Variants in RABGGTB observed in about 807,000 individuals in gnomAD.
RABGGTB encodes the protein geranylgeranyl transferase type-2 subunit beta.
In RABGGTB, 20 loss-of-function variants were observed where a neutral mutation model predicts 44.5. The observed-to-expected ratio is 0.45, with a 90% confidence interval of 0.32 to 0.65. The LOEUF (loss-of-function observed/expected upper bound fraction) is 0.65. Ranked by LOEUF, RABGGTB falls within the 30% of genes least tolerant of loss-of-function variation. RABGGTB has a pLI of 0.05. For missense variants in RABGGTB, 302 were observed against 398.7 expected (o/e 0.76, Z 2.06); for synonymous variants, 128 against 136.7 (o/e 0.94, Z 0.44).
At chr1:75,794,263 A>G in intron 8 of RABGGTB, 30 bp downstream of exon 8, 1 of 1,575,008 alleles carries the variant, frequency 6.3e-7, no homozygotes, top group Middle Eastern at 1.7e-4. Flanking sequence ...TATTTCTATA[A>G]ATTATTTCAG....
At chr1:75,791,836 A>T in intron 6 of RABGGTB, 1 of 399,948 alleles carries the variant, frequency 2.5e-6, no homozygotes, top group South Asian at 4.5e-5. Flanking sequence ...TTAATTTTTC[A>T]CTAACCATAC....
chr1:75,789,135 T>G lies in RABGGTB; in HGVS notation c.112-24T>G, dbSNP rs199755301. ...CTTGTTACCAGTTCAAATGACAGAT[T>G]TAAGAAATTGTGTATTATTTTAGGA... On this transcript the variant is annotated intron_variant, in intron 2 of 8. Transcript: ENST00000319942. 1.1e-4 allele frequency: 183 copies of G among 1,599,818 alleles called. No individual in the cohort carries two copies. In the African/African-American group the frequency reaches 2.1e-3, roughly 19 times the overall value.
In RABGGTB at chr1:75,794,185, A is replaced by G. The variant is rs553836946; in HGVS notation, c.807A>G (p.Ala269=). The G allele has an allele frequency of 6.2e-7, 1 of 1,613,826 alleles. No homozygotes were observed. Among genetic ancestry groups the G allele is most frequent in the Non-Finnish European group, 8.5e-7 (1 of 1,179,772 alleles). Reference sequence around the variant, plus strand: ...AGAAACTGCGTAATTTCATTTTAGCATGTCAAGATGAAGAAACGGGGGGAT... The same window carrying G: ...AGAAACTGCGTAATTTCATTTTAGCGTGTCAAGATGAAGAAACGGGGGGAT... The part of the protein sequence containing the change: ...DREKLRNFIL[A]CQDEETGGFA... Residue 269 remains alanine, a synonymous_variant, in exon 8 of 9, where the codon GCA becomes GCG. Transcript: ENST00000319942.
intron 1 of RABGGTB, 24 bp downstream of exon 1, chr1:75,786,298 G>C (rs1055270789): frequency 1.9e-5 from 30 of 1,614,034 alleles, no homozygotes; most frequent in Non-Finnish European, 2.3e-5. Context: ...TAGCGCTGCT[G>C]TCCGGATGGG....
At position 75,791,456 on chromosome 1, in the gene RABGGTB, T is replaced by G; in HGVS notation, c.469-5T>G. 10 of 1,606,550 alleles carry G rather than the reference T, an allele frequency of 6.2e-6. 1 individual carries two copies. The South Asian group carries it at 1.1e-4, about 18-fold the overall frequency. ...TTTAACAGGCATCTTTTTTTTTGTT[T>G]GTAGGGGAAGCTTGATGCTATTAAT... On this transcript the variant is annotated splice_region_variant and splice_polypyrimidine_tract_variant and intron_variant, in intron 5 of 8. Coordinates refer to ENST00000319942, the MANE Select transcript of RABGGTB (RefSeq NM_004582.4).
At chr1:75,787,451 C>T (rs1158617113) in intron 1 of RABGGTB, 46 bp from the exon 2 acceptor site, 3 of 1,377,716 alleles carry the variant, frequency 2.2e-6, no homozygotes, top group Non-Finnish European at 3.1e-6. Flanking sequence ...GGCAGAAGAA[C>T]GTTGTAGAGG....
chr1:75,786,570 TTC>T, intron 1 of RABGGTB: 1 of 413,766 alleles, frequency 2.4e-6, no homozygotes. Context: ...GCTTTTTTTT[TTC>T]TTGGAGAGGG....
rs1240714291 is a variant in RABGGTB, at chr1:75,794,694, A to G, written c.*44A>G. 1 of 1,477,092 alleles carries G rather than the reference A, an allele frequency of 6.8e-7. No individual in the cohort carries two copies. Among genetic ancestry groups the G allele is most frequent in the East Asian group, 2.4e-5 (1 of 41,986 alleles). The allele number at this position is 1,477,092 out of a possible 1,614,324, so 91.5% of individuals were successfully genotyped here. ...TGCATAGTATAGTTTTGCCATTTTA[A>G]CATTTCTGTATTTGAAGTGCTTATC... On this transcript the variant is annotated 3_prime_UTR_variant, in exon 9 of 9. Coordinates refer to ENST00000319942, the MANE Select transcript of RABGGTB (RefSeq NM_004582.4).
At chr1:75,787,810 G>C (rs1312677065) in intron 2 of RABGGTB, 4 of 687,506 alleles carry the variant, frequency 5.8e-6, no homozygotes, top group Admixed American at 2.1e-5. Flanking sequence ...TATACTGAGA[G>C]GGCTTGCCAG....
intron 3 of RABGGTB, 68 bp downstream of exon 3, chr1:75,789,424 A>G (rs1364383808): frequency 8.7e-6 from 13 of 1,500,006 alleles, no homozygotes; most frequent in Non-Finnish European, 1.2e-5. Context: ...GGAAATTGAA[A>G]CTGTATCAGG....
chr1:75,788,358 C>G (rs1329398658), intron 2 of RABGGTB: 2 of 160,852 alleles, frequency 1.2e-5, no homozygotes, highest in Non-Finnish European at 2.7e-5. Flanking sequence ...GACTGGAGGA[C>G]AGCGGTGCGA....
At position 75,794,560 on chromosome 1, in the gene RABGGTB, A is replaced by T; in HGVS notation, c.906A>T (p.Gly302=). 1 of 1,613,140 alleles carries T rather than the reference A, an allele frequency of 6.2e-7. No individual in the cohort carries two copies. Among genetic ancestry groups the T allele is most frequent in the African/African-American group, 1.3e-5 (1 of 75,018 alleles). The change falls in exon 9 of 9, where the codon GGA becomes GGT. Residue 302 remains glycine, a synonymous_variant. Coordinates refer to ENST00000319942, the MANE Select transcript of RABGGTB (RefSeq NM_004582.4). The part of the protein sequence containing the change: ...LFGIAGLSLL[G]EEQIKPVNPV... ...GAATTGCTGGATTGTCACTTTTGGG[A>T]GAAGAACAGATTAAACCTGTTAATC...
In RABGGTB at chr1:75,786,278, A is replaced by G. The variant is rs1468970885; in HGVS notation, c.3+4A>G. ...TCTCCTTTCCCTGTTAGACATGGTA[A>G]GTGTGAGTTTAGCGCTGCTGTCCGG... On this transcript the variant is annotated splice_donor_region_variant and intron_variant, in intron 1 of 8. Coordinates refer to ENST00000319942, the MANE Select transcript of RABGGTB (RefSeq NM_004582.4). The G allele has an allele frequency of 5.6e-6, 9 of 1,614,216 alleles. No homozygotes were observed. The highest frequency in any genetic ancestry group is 6.8e-6 in the Non-Finnish European group (8 of 1,180,024).
Position 75,789,427 on chromosome 1 carries a change from G to A in RABGGTB, c.309+71G>A, listed in dbSNP as rs6696513. 6,298 of 1,491,344 alleles carry A rather than the reference G, an allele frequency of 4.2e-3. 222 individuals are homozygous for A. The African/African-American group carries it at 0.077, about 18-fold the overall frequency. 92.4% of individuals were successfully genotyped at this position (1,491,344 alleles called of 1,614,324 possible). A position where few individuals can be genotyped will look rare whatever the true frequency, so the allele number is the denominator to read the frequency against. On this transcript the variant is annotated intron_variant, in intron 3 of 8. Coordinates refer to ENST00000319942, the MANE Select transcript of RABGGTB (RefSeq NM_004582.4). Reference sequence around the variant, plus strand: ...TACTTCAGAGTTGGAAATTGAAACTGTATCAGGATTTGGTCAAAAAGTTTT... The same window carrying A: ...TACTTCAGAGTTGGAAATTGAAACTATATCAGGATTTGGTCAAAAAGTTTT...
At chr1:75,787,033 GA>G (rs1312523550) in intron 1 of RABGGTB, 1 of 509,600 alleles carries the variant, frequency 2.0e-6, no homozygotes, top group Admixed American at 2.0e-5. Flanking sequence ...CTTTTTGAAT[GA>G]AAAGTGAACA....
intron 7 of RABGGTB, chr1:75,793,824 T>C (rs1339548277): frequency 8.5e-6 from 3 of 351,378 alleles, no homozygotes; most frequent in Non-Finnish European, 1.5e-5. Context: ...TGCATGCTTA[T>C]CAGTGAGTAC....
At chr1:75,790,743 A>G (rs1029887283) in intron 4 of RABGGTB, among the ~76,000 whole-genome samples, 2 of 152,142 alleles carry the variant, frequency 1.3e-5, no homozygotes, top group South Asian at 2.1e-4. Context: ...CAGTGGTGCA[A>G]TCTTGGCTCA....
At chr1:75,791,824 CATTA>C (rs1051284961) in intron 6 of RABGGTB, 16 of 431,790 alleles carry the variant, frequency 3.7e-5, no homozygotes, top group African/African-American at 2.1e-4. Flanking sequence ...TTTTGTTTTC[CATTA>C]ATTTTTCACT....
chr1:75,787,991 A>T (rs758410956), intron 2 of RABGGTB: 1 of 497,422 alleles, frequency 2.0e-6, no homozygotes, highest in African/African-American at 1.9e-5. Context: ...TTTACCTTAA[A>T]TTTTTAAATT....
Sources: gnomAD v4.1 joint callset for allele counts (sites outside exome capture counted in the v4.1 genomes callset) on GRCh38, gnomAD v4.1.1 for gene constraint, MANE v1.5 for transcripts, NCBI Gene and HGNC (gene_info 2026-07-23, HGNC 2026-07-21) for gene names.